The following DDX60 variants were observed in gnomAD, a reference collection of about 807,000 sequenced individuals.
DDX60 encodes the protein DExD/H-box helicase 60.
Under a neutral mutation model 212.8 loss-of-function variants are expected in DDX60, and 165 were observed. That is an observed-to-expected ratio of 0.78 (90% confidence interval 0.68 to 0.88). The LOEUF is 0.88. Among genes scored for constraint, DDX60 ranks in the 40% least tolerant of loss-of-function variants. DDX60 has a pLI of 0.00. For missense variants in DDX60, 1,905 were observed against 2,003.9 expected (o/e 0.95, Z 0.94); for synonymous variants, 703 against 685.3 (o/e 1.03, Z -0.40).
chr4:168,225,810 C>A, intron 33 of DDX60, 134 bp from the exon 34 acceptor site: 1 of 828,838 alleles, frequency 1.2e-6, no homozygotes, highest in South Asian at 2.2e-5. Context: ...AATAATGTCA[C>A]TGTTTCATTT....
intron 29 of DDX60, among the ~76,000 whole-genome samples, chr4:168,247,600 C>G (rs535257629): frequency 1.1e-4 from 16 of 152,260 alleles, no homozygotes; most frequent in Admixed American, 9.2e-4. Flanking sequence ...AGATAAACCA[C>G]GTTGTCTGCA....
At chr4:168,290,721 T>C (rs114313947) in intron 8 of DDX60, among the ~76,000 whole-genome samples, 2,469 of 152,268 alleles carry the variant, frequency 0.016, 49 homozygotes, top group African/African-American at 0.054. Context: ...TATCAGATTA[T>C]AAAGCATTCT....
chr4:168,302,075 A>G (rs1560874675), intron 6 of DDX60, among the ~76,000 whole-genome samples: 2 of 152,186 alleles, frequency 1.3e-5, no homozygotes, highest in Non-Finnish European at 2.9e-5. Flanking sequence ...TAGCAAAGAG[A>G]CATGAGTGGA....
intron 23 of DDX60, 112 bp downstream of exon 23, chr4:168,262,571 G>A: frequency 1.4e-6 from 1 of 698,562 alleles, no homozygotes; most frequent in East Asian, 2.9e-5. Context: ...TCTTATTGTA[G>A]GAAGAGTCAA....
At position 168,286,423 on chromosome 4, in the gene DDX60, G is replaced by GAGATAGATAGATAGATAGAT. The variant is rs71977398; in HGVS notation, c.1339+605_1339+624dup. On this transcript the variant is annotated intron_variant, in intron 10 of 37. Transcript: ENST00000393743. Reference sequence around the variant, plus strand: ...ACACACACACACACACACACCACACGAGATAGATAGATAGATAGATAGATA... The same window carrying GAGATAGATAGATAGATAGAT: ...ACACACACACACACACACACCACACGAGATAGATAGATAGATAGATAGATAGATAGATAGATAGATAGATA... Among the ~76,000 whole-genome samples, 588 of 136,932 alleles carry GAGATAGATAGATAGATAGAT rather than the reference G, an allele frequency of 4.3e-3. 5 individuals carry two copies. The highest frequency in any genetic ancestry group is 0.014 in the African/African-American group (502 of 36,276). The allele number at this position is 136,932 out of a possible 152,430, so 89.8% of individuals were successfully genotyped here. A position where few individuals can be genotyped will look rare whatever the true frequency, so the allele number is the denominator to read the frequency against.
rs547193417 is a variant in DDX60, at chr4:168,306,788, A to G, written c.265-68T>C. 5.9e-6 allele frequency: 7 copies of G among 1,192,510 alleles called. No homozygotes were observed. In the African/African-American group the frequency reaches 7.6e-5, roughly 13 times the overall value. 73.9% of individuals were successfully genotyped at this position (1,192,510 alleles called of 1,614,324 possible). A position where few individuals can be genotyped will look rare whatever the true frequency, so the allele number is the denominator to read the frequency against. On this transcript the variant is annotated intron_variant, in intron 4 of 37. Coordinates refer to ENST00000393743, the MANE Select transcript of DDX60 (RefSeq NM_017631.6). ...ATTTAATCATTTAGTTGGCTAACACATCATTAAAGGCACTGAAGGAATAAA... is the reference window on the plus strand; with the variant it reads ...ATTTAATCATTTAGTTGGCTAACACGTCATTAAAGGCACTGAAGGAATAAA...
At chr4:168,233,219 C>T (rs922489854) in intron 33 of DDX60, among the ~76,000 whole-genome samples, 5 of 151,770 alleles carry the variant, frequency 3.3e-5, no homozygotes, top group African/African-American at 1.2e-4. Flanking sequence ...TAGATGTTAG[C>T]GTGGATGTAG....
intron 3 of DDX60, among the ~76,000 whole-genome samples, chr4:168,308,992 T>C (rs888673463): frequency 6.6e-6 from 1 of 152,136 alleles, no homozygotes; most frequent in Admixed American, 6.6e-5. Context: ...ATGCACGCAC[T>C]TATAGACTAC....
chr4:168,265,705 C>T (rs1455101491), intron 22 of DDX60: 2 of 152,062 alleles, frequency 1.3e-5, no homozygotes, highest in Non-Finnish European at 2.9e-5. Context: ...AGATAATCTG[C>T]CTTGAACCAT....
intron 30 of DDX60, among the ~76,000 whole-genome samples, chr4:168,244,017 C>T (rs1237928259): frequency 6.6e-6 from 1 of 152,174 alleles, no homozygotes; most frequent in African/African-American, 2.4e-5. Flanking sequence ...GAAAACAAAA[C>T]ACCACATGTT....
intron 3 of DDX60, among the ~76,000 whole-genome samples, chr4:168,310,048 A>G (rs900988378): frequency 1.3e-5 from 2 of 152,164 alleles, no homozygotes; most frequent in Non-Finnish European, 2.9e-5. Flanking sequence ...ATGAGGACAC[A>G]TTTTCCGAAT....
intron 4 of DDX60, 108 bp from the exon 5 acceptor site, chr4:168,306,828 T>C (rs1268870426): frequency 2.5e-6 from 2 of 813,814 alleles, no homozygotes; most frequent in Non-Finnish European, 3.9e-6. Flanking sequence ...AACAGTTTTG[T>C]TCTGTCTGAT....
intron 33 of DDX60, among the ~76,000 whole-genome samples, 177 bp from the exon 34 acceptor site, chr4:168,225,853 T>C (rs1733235494): frequency 6.6e-6 from 1 of 152,086 alleles, no homozygotes; most frequent in African/African-American, 2.4e-5. Context: ...ACTTCATGTT[T>C]TGTTTCTATT....
intron 19 of DDX60, among the ~76,000 whole-genome samples, chr4:168,269,320 C>T (rs536303714): frequency 4.0e-4 from 61 of 152,226 alleles, no homozygotes; most frequent in Non-Finnish European, 7.8e-4. Context: ...AAATGTTGGC[C>T]GGGCACGGTG....
chr4:168,218,625 G>A (rs73862955), intron 37 of DDX60, among the ~76,000 whole-genome samples: 1,794 of 152,108 alleles, frequency 0.012, 34 homozygotes, highest in African/African-American at 0.039. Flanking sequence ...ACTTCTTAAT[G>A]TTAACATAAA....
At chr4:168,279,597 T>C (rs949319254) in intron 14 of DDX60, among the ~76,000 whole-genome samples, 51 of 152,316 alleles carry the variant, frequency 3.3e-4, no homozygotes, top group African/African-American at 1.2e-3. Context: ...ATTTATGGAG[T>C]AAAGTCCTGA....
At chr4:168,220,113 G>C (rs181209090) in intron 37 of DDX60, among the ~76,000 whole-genome samples, 34 of 152,214 alleles carry the variant, frequency 2.2e-4, no homozygotes, top group African/African-American at 7.7e-4. Flanking sequence ...CTAAGAATGG[G>C]GTACCCACAT....
chr4:168,251,303 C>T (rs1454004514), intron 27 of DDX60, among the ~76,000 whole-genome samples, 197 bp from the exon 28 acceptor site: 1 of 152,198 alleles, frequency 6.6e-6, no homozygotes, highest in Non-Finnish European at 1.5e-5. Flanking sequence ...TTTGGACAGA[C>T]CATCTTAAAC....
Position 168,293,859 on chromosome 4 carries a change from T to A in DDX60, c.810A>T (p.Leu270Phe). ...RRVFCVTSCS[L>F]SLRMYHRFLG... ...AAAAGCGATGGTACATTCTCAAAGA[T>A]AATGAGCATGAAGTAACACAAAAGA... The change falls in exon 7 of 38, where the codon TTA becomes TTT. Residue 270 changes from leucine (L) to phenylalanine (F), a missense_variant. By Grantham distance (22) the Leu-to-Phe change is conservative (BLOSUM62 0). Transcript: ENST00000393743. The A allele has an allele frequency of 6.2e-7, 1 of 1,613,788 alleles. No individual in the cohort carries two copies. The highest frequency in any genetic ancestry group is 8.5e-7 in the Non-Finnish European group (1 of 1,179,788).
Sources: allele counts gnomAD v4.1 joint callset (sites outside exome capture counted in the v4.1 genomes callset), GRCh38; gene constraint gnomAD v4.1.1; transcripts MANE v1.5; gene names NCBI Gene and HGNC (gene_info 2026-07-23, HGNC 2026-07-21).